The following BCO1 variants were observed in gnomAD, a reference collection of about 807,000 sequenced individuals.
The protein encoded by BCO1 is beta,beta-carotene 15,15'-dioxygenase.
BCO1 carries 54 observed loss-of-function variants against 56.3 expected under a neutral mutation model. The observed-to-expected ratio is 0.96, with a 90% confidence interval of 0.77 to 1.20. The LOEUF is 1.20. Among genes scored for constraint, BCO1 ranks in the 50% most tolerant of loss-of-function variants. The pLI, the probability that BCO1 is intolerant of heterozygous loss-of-function variation, is 0.00. For synonymous variants in BCO1, 318 were observed against 266.1 expected (o/e 1.20, Z -1.90); for missense variants, 801 against 690.9 (o/e 1.16, Z -1.79).
At chr16:81,239,960 A>G (rs947040336) in intron 1 of BCO1, among the ~76,000 whole-genome samples, 3 of 152,118 alleles carry the variant, frequency 2.0e-5, no homozygotes, top group Non-Finnish European at 2.9e-5. Flanking sequence ...CATCTGCTAG[A>G]TGGACTGGAA....
rs11639599 is a variant in BCO1, at chr16:81,248,663, T to A, written c.193+3060T>A. On this transcript the variant is annotated intron_variant, in intron 2 of 10. Transcript: ENST00000258168. ...ATTCCTTTCTTTTCTAAACAGAAGT[T>A]CCCAATGATTCTTGGAAATAAATAC... 2.0e-5 allele frequency among the ~76,000 whole-genome samples: 3 copies of A among 151,782 alleles called. No individual in the cohort carries two copies. In the South Asian group the frequency reaches 6.2e-4, roughly 31 times the overall value.
intron 7 of BCO1, among the ~76,000 whole-genome samples, chr16:81,271,998 A>C (rs1303184142): frequency 6.6e-6 from 1 of 151,512 alleles, no homozygotes; most frequent in Non-Finnish European, 1.5e-5. Context: ...CTGCCCCCCT[A>C]CGTCTCCCAA....
At chr16:81,258,137 A>C (rs539801113) in intron 2 of BCO1, among the ~76,000 whole-genome samples, 1 of 152,308 alleles carries the variant, frequency 6.6e-6, no homozygotes, top group Admixed American at 6.5e-5. Flanking sequence ...AAAAGGAACT[A>C]GCCCTGTGGA....
chr16:81,283,491 G>C (rs1242012158), intron 8 of BCO1, among the ~76,000 whole-genome samples: 1 of 152,056 alleles, frequency 6.6e-6, no homozygotes, highest in Non-Finnish European at 1.5e-5. Flanking sequence ...CAGCTACTTG[G>C]GAGGCTTAGG....
chr16:81,238,891 C>G lies in BCO1; in HGVS notation c.-18C>G, dbSNP rs779401968. 6.8e-6 allele frequency: 11 copies of G among 1,613,454 alleles called. No homozygotes were observed. In the African/African-American group the frequency reaches 1.3e-4, roughly 20 times the overall value. On this transcript the variant is annotated 5_prime_UTR_variant, in exon 1 of 11. Transcript: ENST00000258168. ...ACCTGTTTGCTGTTAAAATCGATCT[C>G]CCTCGGCACCCTGAGCAATGGATAT...
At position 81,259,659 on chromosome 16, in the gene BCO1, T is replaced by C. The variant is rs1906360777; in HGVS notation, c.194-17T>C. On this transcript the variant is annotated splice_polypyrimidine_tract_variant and intron_variant, in intron 2 of 10. Transcript: ENST00000258168. ...TGAAGGCGTCAGCCTGAGATTATGC[T>C]GGTTCTTCTCTTGCAGGTGAAGTCT... 6.2e-7 allele frequency: 1 copy of C among 1,614,248 alleles called. No individual in the cohort carries two copies. Among genetic ancestry groups the C allele is most frequent in the Non-Finnish European group, 8.5e-7 (1 of 1,180,032 alleles).
intron 4 of BCO1, 140 bp downstream of exon 4, chr16:81,262,423 C>A: frequency 3.5e-6 from 3 of 853,838 alleles, no homozygotes; most frequent in Non-Finnish European, 5.8e-6. Context: ...CGTGCCCTAG[C>A]GCCACACTTA....
intron 3 of BCO1, among the ~76,000 whole-genome samples, chr16:81,261,267 A>T (rs954648912): frequency 6.6e-6 from 1 of 152,178 alleles, no homozygotes; most frequent in African/African-American, 2.4e-5. Context: ...CAATACACCG[A>T]TACAGGATTT....
In BCO1 at chr16:81,262,737, G is replaced by T; in HGVS notation, c.471+454G>T. 3 of 273,204 alleles carry T rather than the reference G, an allele frequency of 1.1e-5. No individual in the cohort carries two copies. The South Asian group carries it at 1.2e-4, about 11-fold the overall frequency. 16.9% of individuals were successfully genotyped at this position (273,204 alleles called of 1,614,324 possible). A position where few individuals can be genotyped will look rare whatever the true frequency, so the allele number is the denominator to read the frequency against. Reference sequence around the variant, plus strand: ...CAGCTACTCTGAGGCTGAGGCAGGAGAATCGCTTGAACTCAGGAGGGGGAG... The same window carrying T: ...CAGCTACTCTGAGGCTGAGGCAGGATAATCGCTTGAACTCAGGAGGGGGAG... On this transcript the variant is annotated intron_variant, in intron 4 of 10. Coordinates refer to ENST00000258168, the MANE Select transcript of BCO1 (RefSeq NM_017429.3).
In BCO1 at chr16:81,238,961, C is replaced by A; in HGVS notation, c.53C>A (p.Ala18Asp). Residue 18 changes from alanine (A) to aspartate (D), a missense_variant, in exon 1 of 11, where the codon GCC becomes GAC. Ala to Asp is a moderately radical substitution (Grantham distance 126). Transcript: ENST00000258168. ...AAAGAACAGCTGGAGCCTGTGAGGGCCAAAGTGACAGGTGAGCATTCTGAT... is the reference window on the plus strand; with the variant it reads ...AAAGAACAGCTGGAGCCTGTGAGGGACAAAGTGACAGGTGAGCATTCTGAT... The part of the protein sequence containing the change: ...NRKEQLEPVR[A>D]KVTGKIPAWL... 1 of 1,613,778 alleles carries A rather than the reference C, an allele frequency of 6.2e-7. No individual in the cohort carries two copies. The highest frequency in any genetic ancestry group is 8.5e-7 in the Non-Finnish European group (1 of 1,179,842).
chr16:81,264,760 A>C lies in BCO1; in HGVS notation c.592A>C (p.Ile198Leu), dbSNP rs748236344. ...GGAAAAGGGGAAGACAAAGTATGTG[A>C]TTTTTAAGATCCCTGCCACAGTACC... ...IVEKGKTKYVIFKIPATVPEG... is the reference protein window; with the variant it reads ...IVEKGKTKYVLFKIPATVPEG... Residue 198 changes from isoleucine to leucine, a missense_variant, in exon 5 of 11, where the codon ATT becomes CTT. Transcript: ENST00000258168. 5 of 1,614,050 alleles carry C rather than the reference A, an allele frequency of 3.1e-6. No homozygotes were observed. In the East Asian group the frequency reaches 1.1e-4, roughly 36 times the overall value.
intron 5 of BCO1, among the ~76,000 whole-genome samples, chr16:81,267,474 A>C (rs1216555551): frequency 1.3e-5 from 2 of 152,194 alleles, no homozygotes; most frequent in Admixed American, 6.5e-5. Flanking sequence ...TTAGCCAAGC[A>C]TGGTGGCGTG....
At chr16:81,285,167 C>T (rs1377141262) in intron 8 of BCO1, among the ~76,000 whole-genome samples, 1 of 152,212 alleles carries the variant, frequency 6.6e-6, no homozygotes, top group Non-Finnish European at 1.5e-5. Context: ...CACATATGTG[C>T]ACATGCACGC....
At chr16:81,264,830 T>C (rs758437920) in intron 5 of BCO1, 43 bp downstream of exon 5, 5 of 1,609,524 alleles carry the variant, frequency 3.1e-6, no homozygotes, top group Non-Finnish European at 4.3e-6. Flanking sequence ...AACAACCAAG[T>C]GTGGCTTCTT....
At chr16:81,261,822 A>G (rs1906499212) in intron 3 of BCO1, 1 of 356,980 alleles carries the variant, frequency 2.8e-6, no homozygotes, top group Admixed American at 3.8e-5. Context: ...GTTCACTGCA[A>G]GCTCCGCCTC....
At chr16:81,240,629 C>T (rs542836088) in intron 1 of BCO1, among the ~76,000 whole-genome samples, 13 of 151,728 alleles carry the variant, frequency 8.6e-5, no homozygotes, top group Non-Finnish European at 1.5e-4. Flanking sequence ...TGCTTGAACC[C>T]CGGAGGCAGA....
At chr16:81,272,174 C>T (rs1209292320) in intron 7 of BCO1, among the ~76,000 whole-genome samples, 6 of 140,786 alleles carry the variant, frequency 4.3e-5, no homozygotes, top group African/African-American at 8.2e-5. Context: ...AGTGCAGTGG[C>T]GCAGTCTCAG....
intron 1 of BCO1, among the ~76,000 whole-genome samples, chr16:81,242,646 G>T (rs534800864): frequency 1.1e-4 from 17 of 152,122 alleles, no homozygotes; most frequent in African/African-American, 3.1e-4. Context: ...TGGTCTTCCT[G>T]CCTCTCTCAG....
In BCO1 at chr16:81,268,134, G is replaced by A. The variant is rs1483922621; in HGVS notation, c.843+3G>A. 4 of 1,606,390 alleles carry A rather than the reference G, an allele frequency of 2.5e-6. No homozygotes were observed. The highest frequency in any genetic ancestry group is 1.1e-5 in the South Asian group (1 of 91,072). ...TGGCTTTCCACAGGGAGGAGAAGGT[G>A]AGGTCTGGCTGGACTCTAGCCCAGT... On this transcript the variant is annotated splice_donor_region_variant and intron_variant, in intron 6 of 10. Transcript: ENST00000258168.
Sources: gnomAD v4.1 joint callset for allele counts (sites outside exome capture counted in the v4.1 genomes callset) on GRCh38, gnomAD v4.1.1 for gene constraint, MANE v1.5 for transcripts, NCBI Gene and HGNC (gene_info 2026-07-23, HGNC 2026-07-21) for gene names.